PSG7: variants seen among roughly 807,000 people sequenced by gnomAD.
PSG7 encodes pregnancy specific beta-1-glycoprotein 7.
PSG7 carries 57 observed loss-of-function variants against 45.6 expected under a neutral mutation model. The ratio of observed to expected loss-of-function variants is 1.25; its 90% confidence interval spans 1.01 to 1.56. The LOEUF is 1.56. PSG7 is among the 40% of genes most tolerant of loss of function. The pLI, the probability that PSG7 is intolerant of heterozygous loss-of-function variation, is 0.00. For synonymous variants in PSG7, 298 were observed against 194.4 expected, an observed-to-expected ratio of 1.53 and a Z score of -4.43; for missense variants, 796 against 508.4, an observed-to-expected ratio of 1.57 and a Z score of -5.44.
intron 2 of PSG7, among the ~76,000 whole-genome samples, chr19:42,931,907 T>G (rs1291120416): frequency 2.0e-5 from 3 of 151,640 alleles, no homozygotes; most frequent in Non-Finnish European, 2.9e-5. Flanking sequence ...CCCACTCTTT[T>G]TGAACTTTCC....
Position 42,924,656 on chromosome 19 carries a change from A to C in PSG7, c.*152T>G. ...TGTTATGGTGTTGAACATTTTGGTG[A>C]GTTCTGAGTGGCTCAGACATCAGGT... is the stretch of plus-strand genomic sequence containing the variant. On this transcript the variant is annotated 3_prime_UTR_variant, in exon 6 of 6. Transcript: ENST00000406070. 1.4e-6 allele frequency: 1 copy of C among 726,070 alleles called. No individual in the cohort carries two copies. 45.0% of individuals were successfully genotyped at this position (726,070 alleles called of 1,614,324 possible).
chr19:42,925,719 G>GTAGACTTT lies in PSG7; in HGVS notation c.1243+53_1243+54insAAAGTCTA, dbSNP rs752371571. ...ATGTTTTCCTGACTTTTCTCTGAAA[G>GTAGACTTT]TCAGATAGACTGCACCTAAAACCCT... On this transcript the variant is annotated intron_variant, in intron 5 of 5. Transcript: ENST00000406070. 4.3e-6 allele frequency: 7 copies of GTAGACTTT among 1,609,766 alleles called. No homozygotes were observed. In the South Asian group the frequency reaches 7.7e-5, roughly 18 times the overall value.
chr19:42,927,373 T>C (rs895233882), intron 3 of PSG7: 1 of 155,278 alleles, frequency 6.4e-6, no homozygotes, highest in African/African-American at 2.4e-5. Flanking sequence ...TAGAGCAGAG[T>C]GCAAGGAATG....
At chr19:42,928,727 C>A (rs1433046081) in intron 3 of PSG7, among the ~76,000 whole-genome samples, 1 of 151,226 alleles carries the variant, frequency 6.6e-6, no homozygotes. Flanking sequence ...GTGGCTCTTC[C>A]CTGATAGCCA....
At chr19:42,925,278 C>A in intron 5 of PSG7, 1 of 307,252 alleles carries the variant, frequency 3.3e-6, no homozygotes, top group Non-Finnish European at 6.0e-6. Context: ...GGTTGTTACT[C>A]TGTTTGTGCA....
In PSG7 at chr19:42,924,380, G is replaced by A. The variant is rs1972480814; in HGVS notation, c.*428C>T. On this transcript the variant is annotated 3_prime_UTR_variant, in exon 6 of 6. Transcript: ENST00000406070. ...AGAGAGCCACATTTCCTCCTGAGAT[G>A]TTATGTAAAAGTCTGAGGTTGAGAT... is the stretch of plus-strand genomic sequence containing the variant. 1 of 435,766 alleles carries A rather than the reference G, an allele frequency of 2.3e-6. No individual in the cohort carries two copies. Among genetic ancestry groups the A allele is most frequent in the Admixed American group, 3.8e-5 (1 of 25,978 alleles). The allele number at this position is 435,766 out of a possible 1,614,324, so 27.0% of individuals were successfully genotyped here. A position where few individuals can be genotyped will look rare whatever the true frequency, so the allele number is the denominator to read the frequency against.
rs782245351 is a variant in PSG7 at position 42,935,388 on chromosome 19, A to C, written c.430+16T>G. On this transcript the variant is annotated intron_variant, in intron 2 of 5. Transcript: ENST00000406070. ...CCCTGCCCCCCAACACCCAGGGACC[A>C]TGTGGAATCACTCACGGTATAAGGT... 2 of 1,611,116 alleles carry C rather than the reference A, an allele frequency of 1.2e-6. No homozygotes were observed. The highest frequency in any genetic ancestry group is 1.7e-4 in the Middle Eastern group (1 of 6,044).
intron 3 of PSG7, chr19:42,929,054 A>G (rs1972958639): frequency 3.7e-6 from 1 of 272,792 alleles, no homozygotes; most frequent in Non-Finnish European, 7.1e-6. Context: ...TGGAGCAAAG[A>G]GAATAATGTC....
At chr19:42,936,104 C>A in intron 1 of PSG7, 2 of 299,014 alleles carry the variant, frequency 6.7e-6, no homozygotes, top group Non-Finnish European at 6.1e-6. Context: ...CTGCTCACAT[C>A]AGGGCATCCT....
intron 2 of PSG7, among the ~76,000 whole-genome samples, chr19:42,932,698 A>G (rs1182582322): frequency 6.6e-6 from 1 of 151,484 alleles, no homozygotes; most frequent in Non-Finnish European, 1.5e-5. Context: ...TTATGGTTTA[A>G]CTTTGAAGCA....
At position 42,926,626 on chromosome 19, in the gene PSG7, T is replaced by C. The variant is rs370550859; in HGVS notation, c.800A>G (p.Glu267Gly). 8.7e-6 allele frequency: 14 copies of C among 1,610,254 alleles called. No individual in the cohort carries two copies. Among genetic ancestry groups the C allele is most frequent in the East Asian group, 2.2e-5 (1 of 44,810 alleles). The change falls in exon 4 of 6, where the codon GAG becomes GGG. Residue 267 changes from glutamate (E) to glycine (G), a missense_variant. Physicochemically the swap from Glu to Gly is moderately conservative, Grantham distance 98 (BLOSUM62 -2). Transcript: ENST00000406070. Reference protein sequence around the residue: ...VSTFTCEPKSENYTYIWWLNG... With the variant: ...VSTFTCEPKSGNYTYIWWLNG... ...TAGCCACCAAATGTAGGTGTAGTTCTCACTCTTAGGTTCACAGGTGAAGGT... is the reference window on the plus strand; with the variant it reads ...TAGCCACCAAATGTAGGTGTAGTTCCCACTCTTAGGTTCACAGGTGAAGGT...
Position 42,935,745 on chromosome 19 carries a change from G to A in PSG7, c.89C>T (p.Pro30Leu), listed in dbSNP as rs199525721. Residue 30 changes from proline (P) to leucine (L), a missense_variant, in exon 2 of 6, where the codon CCG (proline) becomes CTG (leucine). Physicochemically the swap from Pro to Leu is moderately conservative, Grantham distance 98. Coordinates refer to ENST00000406070, the MANE Select transcript of PSG7 (RefSeq NM_002783.3). Reference protein sequence around the residue: ...LTASLLNFWNPPTTAQVTIEA... With the variant: ...LTASLLNFWNLPTTAQVTIEA... ...AATCGTGACTTGGGCTGTGGTGGGCGGGTTCCAGAAGTTTAAAAGTGATGC... is the reference window on the plus strand; with the variant it reads ...AATCGTGACTTGGGCTGTGGTGGGCAGGTTCCAGAAGTTTAAAAGTGATGC... The A allele has an allele frequency of 2.8e-4, 444 of 1,610,984 alleles. 6 individuals are homozygous for A. Among genetic ancestry groups the A allele is most frequent in the African/African-American group, 1.7e-3 (125 of 74,426 alleles).
Position 42,925,951 on chromosome 19 carries a change from A to G in PSG7, c.1065T>C (p.Phe355=), listed in dbSNP as rs779020458. ...HSGQNLYLSC[F]ADSNPPAQYS... is the part of the protein sequence containing the mutation. ...ACTGTGCCGGTGGGTTAGAGTCCGC[A>G]AAGCAGGACAAGTAGAGGTTTTGTC... is the stretch of plus-strand genomic sequence containing the variant. Residue 355 remains phenylalanine, a synonymous_variant, in exon 5 of 6, where the codon TTT becomes TTC. Transcript: ENST00000406070. The G allele has an allele frequency of 1.2e-6, 2 of 1,612,246 alleles. No individual in the cohort carries two copies. Among genetic ancestry groups the G allele is most frequent in the Admixed American group, 1.7e-5 (1 of 59,890 alleles).
At chr19:42,934,922 A>G (rs942530432) in intron 2 of PSG7, among the ~76,000 whole-genome samples, 1 of 151,454 alleles carries the variant, frequency 6.6e-6, no homozygotes, top group Non-Finnish European at 1.5e-5. Context: ...GAAAATTCTT[A>G]GTCCCAGTAA....
In PSG7 at chr19:42,935,655, T is replaced by A. The variant is rs1384246968; in HGVS notation, c.179A>T (p.Gln60Leu). 1.2e-6 allele frequency: 2 copies of A among 1,612,052 alleles called. No individual in the cohort carries two copies. The highest frequency in any genetic ancestry group is 2.7e-5 in the African/African-American group (2 of 74,532). The change falls in exon 2 of 6, where the codon CAG becomes CTG. Residue 60 changes from glutamine (Q) to leucine (L), a missense_variant. By Grantham distance (113) the Gln-to-Leu change is moderately radical (BLOSUM62 -2). Coordinates refer to ENST00000406070, the MANE Select transcript of PSG7 (RefSeq NM_002783.3). ...DVLLLVHNLPQNLTGYIWYKG... is the reference protein window; with the variant it reads ...DVLLLVHNLPLNLTGYIWYKG... ...GTACCAGATGTAGCCAGTAAGATTCTGGGGCAAATTGTGGACAAGTAGAAG... is the reference window on the plus strand; with the variant it reads ...GTACCAGATGTAGCCAGTAAGATTCAGGGGCAAATTGTGGACAAGTAGAAG...
intron 3 of PSG7, among the ~76,000 whole-genome samples, chr19:42,928,682 A>C (rs1972947456): frequency 6.6e-6 from 1 of 151,052 alleles, no homozygotes; most frequent in Non-Finnish European, 1.5e-5. Context: ...CCCTTTCCTG[A>C]GTTTTGATTT....
In PSG7 at chr19:42,924,528, G is replaced by A. The variant is rs1483883949; in HGVS notation, c.*280C>T. 2.4e-5 allele frequency: 14 copies of A among 592,018 alleles called. No individual in the cohort carries two copies. The Admixed American group carries it at 4.2e-4, about 18-fold the overall frequency. 36.7% of individuals were successfully genotyped at this position (592,018 alleles called of 1,614,324 possible). Reference sequence around the variant, plus strand: ...AAGCAAGGACAGCTAAGAGGGGTGAGAGCCTCATCATGATGGGGAGTCTTA... The same window carrying A: ...AAGCAAGGACAGCTAAGAGGGGTGAAAGCCTCATCATGATGGGGAGTCTTA... On this transcript the variant is annotated 3_prime_UTR_variant, in exon 6 of 6. Coordinates refer to ENST00000406070, the MANE Select transcript of PSG7 (RefSeq NM_002783.3).
intron 2 of PSG7, among the ~76,000 whole-genome samples, chr19:42,932,149 G>T (rs4524047): frequency 4.0e-5 from 6 of 150,800 alleles, no homozygotes; most frequent in Admixed American, 1.3e-4. Context: ...TCAGCCTCCC[G>T]AGTAGCTGGG....
At position 42,925,040 on chromosome 19, in the gene PSG7, C is replaced by T. The variant is rs7258205; in HGVS notation, c.1244-216G>A. ...TAAGTGCAGCAAGAGTAGCAATGGA[C>T]TATGTAGGCTCTCTTTTAAAATTTT... On this transcript the variant is annotated intron_variant, in intron 5 of 5. Transcript: ENST00000406070. 7.4e-4 allele frequency: 427 copies of T among 580,746 alleles called. 9 individuals are homozygous for T. The highest frequency in any genetic ancestry group is 7.3e-3 in the African/African-American group (390 of 53,464). 36.0% of individuals were successfully genotyped at this position (580,746 alleles called of 1,614,324 possible). A position where few individuals can be genotyped will look rare whatever the true frequency, so the allele number is the denominator to read the frequency against.
Sources: allele counts gnomAD v4.1 joint callset (sites outside exome capture counted in the v4.1 genomes callset), GRCh38; gene constraint gnomAD v4.1.1; transcripts MANE v1.5; gene names NCBI Gene and HGNC (gene_info 2026-07-23, HGNC 2026-07-21).